IP6K2: variants seen among roughly 807,000 people sequenced by gnomAD.
The protein encoded by IP6K2 is ATP:1D-myo-inositol-hexakisphosphate phosphotransferase.
A neutral mutation model predicts 43.3 loss-of-function variants in IP6K2; 9 were observed. The observed-to-expected ratio is 0.21, with a 90% CI of 0.13 to 0.36. The LOEUF is 0.36. Among genes scored for constraint, IP6K2 ranks in the 10% least tolerant of loss-of-function variants. The pLI, the probability that IP6K2 is intolerant of heterozygous loss-of-function variation, is 1.00. For synonymous variants in IP6K2, 209 were observed against 202.4 expected (o/e 1.03, Z -0.28); for missense variants, 332 against 538.4 (o/e 0.62, Z 3.79).
intron 2 of IP6K2, 78 bp from the exon 3 acceptor site, chr3:48,693,257 GT>G (rs780622205): frequency 1.8e-5 from 24 of 1,349,828 alleles, no homozygotes; most frequent in African/African-American, 4.3e-5. Context: ...TGTAACATTT[GT>G]TTTTTTCTTA....
At chr3:48,693,683 G>A in intron 2 of IP6K2, 1 of 1,082,896 alleles carries the variant, frequency 9.2e-7, no homozygotes, top group Non-Finnish European at 1.1e-6. Context: ...AAATAAAGGG[G>A]CAAACAAAAC....
rs1328459597 is a variant in IP6K2 at position 48,695,411 on chromosome 3, A to C, written c.-120T>G. ...CTTGGCTCCTTGGCTTGTTCTGGCC[A>C]GGATGCTCTGCTGGAAGCAAACAAA... On this transcript the variant is annotated 5_prime_UTR_variant, in exon 2 of 6. Transcript: ENST00000328631. The surrounding 1 kb of genome is among the most constrained non-coding windows in gnomAD (Gnocchi z 4.6). 1.4e-6 allele frequency: 2 copies of C among 1,439,554 alleles called. No individual in the cohort carries two copies. The highest frequency in any genetic ancestry group is 1.4e-5 in the South Asian group (1 of 70,074). The allele number at this position is 1,439,554 out of a possible 1,614,324, so 89.2% of individuals were successfully genotyped here.
intron 4 of IP6K2, 112 bp downstream of exon 4, chr3:48,691,195 G>GA (rs1189515629): frequency 1.2e-6 from 1 of 858,404 alleles, no homozygotes; most frequent in Admixed American, 2.4e-5. Context: ...CCAGGTAGGA[G>GA]AAACTCAACC....
intron 2 of IP6K2, chr3:48,693,457 C>A: frequency 7.3e-7 from 1 of 1,366,570 alleles, no homozygotes; most frequent in Non-Finnish European, 9.6e-7. Flanking sequence ...ATTTTTCCAT[C>A]ATTGAAAATG....
At position 48,704,921 on chromosome 3, in the gene IP6K2, C is replaced by T. The variant is rs116567881; in HGVS notation, c.-130-9500G>A. On this transcript the variant is annotated intron_variant, in intron 1 of 5. Transcript: ENST00000328631. ...CCGAGTAGCTGAGATTACAAGCACG[C>T]GCCACTGTGCCCGGCTAATTTTTCT... is the stretch of plus-strand genomic sequence containing the variant. Among the ~76,000 whole-genome samples, 872 of 151,386 alleles carry T rather than the reference C, an allele frequency of 5.8e-3. 8 individuals carry two copies. The highest frequency in any genetic ancestry group is 0.02 in the African/African-American group (843 of 41,250).
intron 4 of IP6K2, among the ~76,000 whole-genome samples, chr3:48,690,741 A>G (rs1326470161): frequency 6.6e-6 from 1 of 150,866 alleles, no homozygotes; most frequent in Non-Finnish European, 1.5e-5. Flanking sequence ...GTGAGCTGAG[A>G]TCACACCACT....
rs745685310 is a variant in IP6K2, at chr3:48,688,595, C to T, written c.959G>A (p.Arg320Gln). ...KLTELKAVLE[R>Q]QESYRFYSSS... is the part of the protein sequence containing the mutation. ...TGAGTAGAAGCGGTAGGACTCCTGTCGCTCCAACACTGCCTTGAGCTCAGT... is the reference window on the plus strand; with the variant it reads ...TGAGTAGAAGCGGTAGGACTCCTGTTGCTCCAACACTGCCTTGAGCTCAGT... Residue 320 changes from arginine to glutamine, a missense_variant, in exon 6 of 6, where the codon CGA becomes CAA. Coordinates refer to ENST00000328631, the MANE Select transcript of IP6K2 (RefSeq NM_016291.4). This position sits in a 1 kb window ranked among gnomAD's most constrained non-coding sequence, Gnocchi z 5.1. 22 of 1,614,102 alleles carry T rather than the reference C, an allele frequency of 1.4e-5. No individual in the cohort carries two copies. The highest frequency in any genetic ancestry group is 1.5e-5 in the Non-Finnish European group (18 of 1,180,048).
chr3:48,705,108 A>AT (rs2106954240), intron 1 of IP6K2, among the ~76,000 whole-genome samples: 1 of 151,984 alleles, frequency 6.6e-6, no homozygotes, highest in East Asian at 2.0e-4. Context: ...CACCCGGCTA[A>AT]TTTTTTGTAT....
At chr3:48,711,712 C>A (rs1211400317) in intron 1 of IP6K2, among the ~76,000 whole-genome samples, 1 of 152,200 alleles carries the variant, frequency 6.6e-6, no homozygotes, top group Non-Finnish European at 1.5e-5. Context: ...ATAATCTCAG[C>A]AACGTGCAAA....
intron 4 of IP6K2, among the ~76,000 whole-genome samples, chr3:48,690,787 CAAAA>C (rs538609739): frequency 3.9e-5 from 2 of 51,212 alleles, no homozygotes; most frequent in Admixed American, 1.8e-4. Context: ...GACTCTGTCT[CAAAA>C]AAAAAAAAAA....
At chr3:48,694,782 T>TG (rs749294706) in intron 2 of IP6K2, 6 of 1,532,900 alleles carry the variant, frequency 3.9e-6, no homozygotes, top group Non-Finnish European at 5.2e-6. Flanking sequence ...TCCCCCACCG[T>TG]CCCCCCAGTG....
intron 1 of IP6K2, among the ~76,000 whole-genome samples, chr3:48,696,639 G>A (rs1041898815): frequency 6.6e-6 from 1 of 152,210 alleles, no homozygotes; most frequent in Admixed American, 6.5e-5. Flanking sequence ...TTACAAATTA[G>A]ACAGTCTCTA....
intron 1 of IP6K2, among the ~76,000 whole-genome samples, chr3:48,703,545 A>T (rs1207705989): frequency 6.8e-6 from 1 of 147,976 alleles, no homozygotes; most frequent in Non-Finnish European, 1.5e-5. Context: ...TCTACTAAAA[A>T]TACAAAAAAA....
intron 1 of IP6K2, chr3:48,715,319 G>A: frequency 6.5e-7 from 1 of 1,536,118 alleles, no homozygotes; most frequent in Non-Finnish European, 8.7e-7. Flanking sequence ...TTTCACCTCA[G>A]TAAGCTGGCC....
At chr3:48,715,733 T>G (rs1248296797) in intron 1 of IP6K2, among the ~76,000 whole-genome samples, 3 of 148,782 alleles carry the variant, frequency 2.0e-5, no homozygotes, top group Non-Finnish European at 4.5e-5. Flanking sequence ...TTTTTTTTTG[T>G]AGAGACAGGG....
chr3:48,708,375 T>A (rs1394932345), intron 1 of IP6K2: 2 of 152,068 alleles, frequency 1.3e-5, no homozygotes, highest in Admixed American at 6.6e-5. Context: ...GATTCTAAGG[T>A]CTCATATGTC....
intron 2 of IP6K2, chr3:48,694,002 T>TA: frequency 1.4e-6 from 2 of 1,386,154 alleles, no homozygotes; most frequent in East Asian, 2.9e-5. Flanking sequence ...AACGACTGGC[T>TA]GAACACCTTT....
intron 1 of IP6K2, among the ~76,000 whole-genome samples, chr3:48,712,146 C>T (rs1224324653): frequency 1.3e-5 from 2 of 151,666 alleles, no homozygotes; most frequent in Admixed American, 6.6e-5. Context: ...GTAATCCTGG[C>T]GCTTGTGGAT....
At chr3:48,694,126 G>A (rs1338206913) in intron 2 of IP6K2, 8 of 1,523,060 alleles carry the variant, frequency 5.3e-6, no homozygotes, top group East Asian at 4.9e-5. Flanking sequence ...AGCTCTGGGT[G>A]CAGAGGAGCC....
Sources: gnomAD v4.1 joint callset for allele counts (sites outside exome capture counted in the v4.1 genomes callset) on GRCh38, gnomAD v4.1.1 for gene constraint, Gnocchi (gnomAD v3.1) non-coding constraint, MANE v1.5 for transcripts, NCBI Gene and HGNC (gene_info 2026-07-23, HGNC 2026-07-21) for gene names.